Variants in FGGY observed in about 807,000 individuals in gnomAD.
FGGY encodes the protein FGGY carbohydrate kinase domain-containing protein.
FGGY carries 72 observed loss-of-function variants against 71.3 expected under a neutral mutation model. That is an observed-to-expected ratio of 1.01 (90% CI 0.84 to 1.23). The LOEUF (loss-of-function observed/expected upper bound fraction) is 1.23, where lower values mean the gene tolerates loss of function less well. Ranked by LOEUF, FGGY falls within the 50% of genes most tolerant of loss-of-function variation. The pLI is 0.00. For missense variants in FGGY, 668 were observed against 682.3 expected, an observed-to-expected ratio of 0.98 and a Z score of 0.23; for synonymous variants, 251 against 250.3, an observed-to-expected ratio of 1.00 and a Z score of -0.02.
intron 6 of FGGY, among the ~76,000 whole-genome samples, chr1:59,500,024 G>T (rs2094175809): frequency 6.6e-6 from 1 of 152,030 alleles, no homozygotes; most frequent in South Asian, 2.1e-4. Context: ...GTCGAATTTT[G>T]CCTACAACCC....
chr1:59,389,402 T>C (rs2060442668), intron 5 of FGGY, among the ~76,000 whole-genome samples: 1 of 152,232 alleles, frequency 6.6e-6, no homozygotes, highest in African/African-American at 2.4e-5. Flanking sequence ...TGTCAGCCTT[T>C]CTTTTTTATG....
At chr1:59,749,671 G>A (rs1057438765) in intron 14 of FGGY, among the ~76,000 whole-genome samples, 1 of 152,162 alleles carries the variant, frequency 6.6e-6, no homozygotes, top group Non-Finnish European at 1.5e-5. Flanking sequence ...CATGGAGCTT[G>A]CATGCTAAAG....
chr1:59,734,426 A>G lies in FGGY; in HGVS notation c.1513-23505A>G, dbSNP rs76607329. 3.3e-5 allele frequency among the ~76,000 whole-genome samples: 5 copies of G among 152,130 alleles called. No individual in the cohort carries two copies. The East Asian group carries it at 9.7e-4, about 30-fold the overall frequency. On this transcript the variant is annotated intron_variant, in intron 14 of 15. Transcript: ENST00000303721. Reference sequence around the variant, plus strand: ...TGCCACATTGGCCAGACTGATCTAGAACTCCTGGCTCAAGCAATCCACCCA... The same window carrying G: ...TGCCACATTGGCCAGACTGATCTAGGACTCCTGGCTCAAGCAATCCACCCA...
intron 8 of FGGY, among the ~76,000 whole-genome samples, chr1:59,584,247 G>C (rs1167338257): frequency 1.3e-5 from 2 of 149,634 alleles, no homozygotes; most frequent in Non-Finnish European, 2.9e-5. Context: ...TATCCCTGAT[G>C]AACATCGATG....
chr1:59,570,917 G>A (rs529654335), intron 8 of FGGY, among the ~76,000 whole-genome samples: 2 of 152,256 alleles, frequency 1.3e-5, no homozygotes, highest in South Asian at 2.1e-4. Context: ...GGACACAGGT[G>A]CACTTTGCAT....
At chr1:59,380,064 C>T (rs189808051) in intron 5 of FGGY, among the ~76,000 whole-genome samples, 4 of 152,058 alleles carry the variant, frequency 2.6e-5, no homozygotes, top group South Asian at 2.1e-4. Context: ...TTTGTCCTTG[C>T]GATAGATTGC....
chr1:59,654,894 CTCT>C (rs1471116987), intron 11 of FGGY, among the ~76,000 whole-genome samples: 2 of 152,212 alleles, frequency 1.3e-5, no homozygotes, highest in African/African-American at 4.8e-5. Context: ...AACCATCTGT[CTCT>C]TCTTTTTATA....
chr1:59,600,366 C>T (rs1208980015), intron 8 of FGGY, among the ~76,000 whole-genome samples: 1 of 152,110 alleles, frequency 6.6e-6, no homozygotes, highest in Non-Finnish European at 1.5e-5. Context: ...CAAGACATGT[C>T]GATTAGCCAT....
chr1:59,417,686 T>C (rs11578291), intron 5 of FGGY, among the ~76,000 whole-genome samples: 26,195 of 152,228 alleles, frequency 0.17, 2,763 homozygotes, highest in East Asian at 0.36. Context: ...GGTTTGCCTT[T>C]ATGTAATGAC....
At chr1:59,718,964 A>G (rs190521046) in intron 14 of FGGY, among the ~76,000 whole-genome samples, 1 of 152,240 alleles carries the variant, frequency 6.6e-6, no homozygotes, top group East Asian at 1.9e-4. Context: ...CCTTCTCAGA[A>G]CAATTGACTT....
intron 14 of FGGY, among the ~76,000 whole-genome samples, chr1:59,742,318 G>GC (rs1326056565): frequency 2.0e-5 from 3 of 152,190 alleles, no homozygotes; most frequent in African/African-American, 7.2e-5. Flanking sequence ...GCATTGCTGA[G>GC]CCCAAAGGGC....
intron 14 of FGGY, among the ~76,000 whole-genome samples, chr1:59,695,590 G>A (rs1336858526): frequency 6.6e-6 from 1 of 152,190 alleles, no homozygotes; most frequent in Non-Finnish European, 1.5e-5. Flanking sequence ...TGACGGCAAT[G>A]AGCAGTATCC....
chr1:59,378,753 TGA>T lies in FGGY; in HGVS notation c.477_478del (p.Glu159AspfsTer5), dbSNP rs1372472203. The T allele has an allele frequency of 6.2e-6, 10 of 1,612,410 alleles. No homozygotes were observed. The highest frequency in any genetic ancestry group is 4.5e-5 in the East Asian group (2 of 44,844). On this transcript the variant is annotated frameshift_variant, in exon 5 of 16. Coordinates refer to ENST00000303721, the MANE Select transcript of FGGY (RefSeq NM_018291.5). LOFTEE classifies it high-confidence loss of function. ...AATATATATTTAATTTGGCAGAACT[TGA>T]GAGAGATTTGCTGGGATAAGGCGGG...
intron 4 of FGGY, among the ~76,000 whole-genome samples, chr1:59,370,350 T>G (rs12566250): frequency 0.069 from 10,426 of 151,896 alleles, 479 homozygotes; most frequent in Non-Finnish European, 0.097. Flanking sequence ...AAGGGAAGTT[T>G]AGAGAAAAAA....
chr1:59,601,386 C>T (rs559825865), intron 8 of FGGY, among the ~76,000 whole-genome samples: 1 of 152,306 alleles, frequency 6.6e-6, no homozygotes, highest in East Asian at 1.9e-4. Flanking sequence ...GGCTGACGGG[C>T]ACATTGCCTT....
At chr1:59,411,856 A>T (rs946597488) in intron 5 of FGGY, among the ~76,000 whole-genome samples, 1 of 152,082 alleles carries the variant, frequency 6.6e-6, no homozygotes, top group Non-Finnish European at 1.5e-5. Context: ...TTCTGGTGCC[A>T]GAAGATACCA....
intron 1 of FGGY, among the ~76,000 whole-genome samples, chr1:59,302,401 A>C (rs550943244): frequency 1.3e-5 from 2 of 152,300 alleles, no homozygotes; most frequent in African/African-American, 4.8e-5. Context: ...AAAGACATGG[A>C]ATCAGTCTAA....
At chr1:59,374,857 A>G (rs866552689) in intron 4 of FGGY, among the ~76,000 whole-genome samples, 92 of 134,850 alleles carry the variant, frequency 6.8e-4, no homozygotes, top group Non-Finnish European at 1.2e-3. Flanking sequence ...GAATTGAACA[A>G]TGGGAACACA....
chr1:59,613,470 C>T (rs183243180), intron 9 of FGGY, among the ~76,000 whole-genome samples: 2 of 152,238 alleles, frequency 1.3e-5, no homozygotes, highest in Admixed American at 6.5e-5. Context: ...ACACAACATA[C>T]CAGAATCTCT....
Sources: allele counts gnomAD v4.1 joint callset (sites outside exome capture counted in the v4.1 genomes callset), GRCh38; gene constraint gnomAD v4.1.1; transcripts MANE v1.5; gene names NCBI Gene and HGNC (gene_info 2026-07-23, HGNC 2026-07-21).